The following CTNNA3 variants were observed in gnomAD, a reference collection of about 807,000 sequenced individuals.
The protein encoded by CTNNA3 is catenin alpha 3.
Under a neutral mutation model 95.7 loss-of-function variants are expected in CTNNA3, and 76 were observed. The ratio of observed to expected loss-of-function variants is 0.79; its 90% CI spans 0.66 to 0.96. The LOEUF (loss-of-function observed/expected upper bound fraction) is 0.96. Ranked by LOEUF, CTNNA3 falls within the 40% of genes least tolerant of loss-of-function variation. The pLI, the probability that CTNNA3 is intolerant of heterozygous loss-of-function variation, is 0.00. For missense variants in CTNNA3, 1,191 were observed against 1,089.8 expected (o/e 1.09, Z -1.31); for synonymous variants, 431 against 374.4 (o/e 1.15, Z -1.74).
chr10:66,882,447 G>T (rs2132470439), intron 7 of CTNNA3, among the ~76,000 whole-genome samples: 2 of 152,198 alleles, frequency 1.3e-5, no homozygotes, highest in Admixed American at 1.3e-4. Context: ...ACACTTGACT[G>T]CCTACACTCA....
At chr10:66,458,151 A>G (rs2093507058) in intron 11 of CTNNA3, among the ~76,000 whole-genome samples, 1 of 152,202 alleles carries the variant, frequency 6.6e-6, no homozygotes, top group Non-Finnish European at 1.5e-5. Context: ...TTGATCACAC[A>G]AAACAATTGT....
intron 9 of CTNNA3, among the ~76,000 whole-genome samples, chr10:66,629,683 T>C (rs1050282049): frequency 6.6e-6 from 1 of 152,060 alleles, no homozygotes; most frequent in Non-Finnish European, 1.5e-5. Flanking sequence ...CGTCTTGCAG[T>C]CTGGCCTGAG....
At chr10:67,734,933 C>T (rs1841294109) in intron 1 of CTNNA3, among the ~76,000 whole-genome samples, 1 of 151,880 alleles carries the variant, frequency 6.6e-6, no homozygotes, top group Non-Finnish European at 1.5e-5. Flanking sequence ...ATTATACATA[C>T]ATATATCAAT....
At chr10:66,651,861 T>C (rs1035694242) in intron 9 of CTNNA3, among the ~76,000 whole-genome samples, 1 of 149,876 alleles carries the variant, frequency 6.7e-6, no homozygotes, top group African/African-American at 2.5e-5. Flanking sequence ...AGCCGGCTCC[T>C]GCCTCGGCCA....
chr10:66,563,942 A>G (rs1842628664), intron 10 of CTNNA3, among the ~76,000 whole-genome samples: 4 of 152,012 alleles, frequency 2.6e-5, no homozygotes, highest in Admixed American at 6.6e-5. Flanking sequence ...GACCAAACCA[A>G]TGTACATCTT....
At chr10:66,640,568 C>G (rs1845482289) in intron 9 of CTNNA3, among the ~76,000 whole-genome samples, 2 of 152,206 alleles carry the variant, frequency 1.3e-5, no homozygotes, top group South Asian at 4.2e-4. Context: ...AAGATTACTC[C>G]CCAGTAAATC....
intron 7 of CTNNA3, among the ~76,000 whole-genome samples, chr10:66,798,552 T>G (rs1027904025): frequency 2.6e-5 from 4 of 151,616 alleles, no homozygotes; most frequent in Non-Finnish European, 4.4e-5. Flanking sequence ...ATAACTCAAT[T>G]CAGATCAATC....
intron 9 of CTNNA3, among the ~76,000 whole-genome samples, chr10:66,630,944 A>T (rs1845113983): frequency 6.6e-6 from 1 of 152,192 alleles, no homozygotes; most frequent in Non-Finnish European, 1.5e-5. Context: ...AATGAAAGTG[A>T]ATCCCAACAA....
chr10:66,927,584 C>G lies in CTNNA3; in HGVS notation c.1048-152060G>C. Reference sequence around the variant, plus strand: ...AATCAATTTTCCAAGCTCAACCTGGCCCTTTTTCCAAGGTTGGTCAGCCTT... The same window carrying G: ...AATCAATTTTCCAAGCTCAACCTGGGCCTTTTTCCAAGGTTGGTCAGCCTT... On this transcript the variant is annotated intron_variant, in intron 7 of 17. Transcript: ENST00000433211. This position sits in a 1 kb window ranked among gnomAD's most constrained non-coding sequence, Gnocchi z 4.7. 6.2e-7 allele frequency: 1 copy of G among 1,614,162 alleles called. No individual in the cohort carries two copies. The highest frequency in any genetic ancestry group is 8.5e-7 in the Non-Finnish European group (1 of 1,180,048).
chr10:66,844,613 G>T (rs1033987497), intron 7 of CTNNA3, among the ~76,000 whole-genome samples: 2 of 152,134 alleles, frequency 1.3e-5, no homozygotes, highest in Non-Finnish European at 2.9e-5. Context: ...TCTTCAGAAA[G>T]ATTTATATTA....
At chr10:66,365,396 G>C (rs1167245984) in intron 12 of CTNNA3, among the ~76,000 whole-genome samples, 2 of 152,256 alleles carry the variant, frequency 1.3e-5, no homozygotes, top group South Asian at 4.1e-4. Flanking sequence ...GGGCTGGGGG[G>C]ACTAGGGGAG....
chr10:67,218,877 C>A (rs1403000928), intron 6 of CTNNA3, among the ~76,000 whole-genome samples: 1 of 152,166 alleles, frequency 6.6e-6, no homozygotes, highest in East Asian at 1.9e-4. Flanking sequence ...TTTTAAGACA[C>A]GAGTCGCAGC....
chr10:67,263,580 A>T (rs779520267), intron 5 of CTNNA3, among the ~76,000 whole-genome samples: 2 of 152,096 alleles, frequency 1.3e-5, no homozygotes, highest in Non-Finnish European at 2.9e-5. Flanking sequence ...ATACCAGAAG[A>T]CCTCGATCTT....
intron 3 of CTNNA3, among the ~76,000 whole-genome samples, chr10:67,574,640 G>A (rs1842086064): frequency 6.7e-6 from 1 of 148,416 alleles, no homozygotes; most frequent in Admixed American, 6.7e-5. Context: ...GAGTGCAGTG[G>A]TGCGATCTCT....
intron 11 of CTNNA3, among the ~76,000 whole-genome samples, chr10:66,441,906 G>A (rs1286215739): frequency 6.6e-6 from 1 of 152,120 alleles, no homozygotes; most frequent in Non-Finnish European, 1.5e-5. Context: ...GTTTAGACTT[G>A]TTCAGTGCTA....
intron 7 of CTNNA3, among the ~76,000 whole-genome samples, chr10:67,159,428 C>G (rs1861443797): frequency 6.6e-6 from 1 of 152,146 alleles, no homozygotes; most frequent in African/African-American, 2.4e-5. Flanking sequence ...AAAAAGATTA[C>G]AAAGCTACAC....
intron 10 of CTNNA3, among the ~76,000 whole-genome samples, chr10:66,589,435 A>C (rs941250019): frequency 2.1e-4 from 32 of 152,142 alleles, no homozygotes; most frequent in African/African-American, 7.5e-4. Context: ...TGAGAAAGTG[A>C]AATAGACATG....
Position 66,446,851 on chromosome 10 carries a change from AG to A in CTNNA3, c.1532-67500del, listed in dbSNP as rs1163264401. 1.1e-4 allele frequency among the ~76,000 whole-genome samples: 16 copies of A among 152,182 alleles called. No homozygotes were observed. In the East Asian group the frequency reaches 2.7e-3, roughly 26 times the overall value. On this transcript the variant is annotated intron_variant, in intron 11 of 17. Coordinates refer to ENST00000433211, the MANE Select transcript of CTNNA3 (RefSeq NM_013266.4). ...GCAATCAGGCAGCAGAAGGAAATAA[AG>A]GGTATTCAATTAGGAAAAGAGGAAG...
chr10:66,160,068 T>G (rs1425693877), intron 13 of CTNNA3, among the ~76,000 whole-genome samples: 1 of 152,150 alleles, frequency 6.6e-6, no homozygotes, highest in East Asian at 1.9e-4. Context: ...TTTTCTGTCT[T>G]CTTTTCTTGG....
Sources: gnomAD v4.1 joint callset for allele counts (sites outside exome capture counted in the v4.1 genomes callset) on GRCh38, gnomAD v4.1.1 for gene constraint, Gnocchi (gnomAD v3.1) non-coding constraint, MANE v1.5 for transcripts, NCBI Gene and HGNC (gene_info 2026-07-23, HGNC 2026-07-21) for gene names.